The following FBLN7 variants were observed in gnomAD, a reference collection of about 807,000 sequenced individuals.
FBLN7 encodes the protein fibulin-7.
FBLN7 carries 31 observed loss-of-function variants against 44.0 expected under a neutral mutation model. The ratio of observed to expected loss-of-function variants is 0.70; its 90% CI spans 0.53 to 0.95. The LOEUF (loss-of-function observed/expected upper bound fraction) is 0.95, where lower values mean the gene tolerates loss of function less well. Ranked by LOEUF, FBLN7 falls within the 40% of genes least tolerant of loss-of-function variation. FBLN7 has a pLI of 0.00. For missense variants in FBLN7, 573 were observed against 618.5 expected, an observed-to-expected ratio of 0.93 and a Z score of 0.78; for synonymous variants, 262 against 253.4, an observed-to-expected ratio of 1.03 and a Z score of -0.32.
chr2:112,229,676 G>A, the FBLN7 span, among the ~76,000 whole-genome samples: 3 of 152,094 alleles, frequency 2.0e-5, no homozygotes, highest in Non-Finnish European at 2.9e-5. Flanking sequence ...ATCTATATAT[G>A]CATAAAAAAT....
chr2:112,239,537 C>T, the FBLN7 span, among the ~76,000 whole-genome samples: 1 of 149,394 alleles, frequency 6.7e-6, no homozygotes, highest in East Asian at 1.9e-4. Context: ...ACAGAAGAAT[C>T]GCTATTATAA....
intron 4 of FBLN7, among the ~76,000 whole-genome samples, chr2:112,178,266 AAACC>A (rs1682824361): frequency 6.6e-6 from 1 of 151,478 alleles, no homozygotes. Context: ...ACAAAAAAAA[AAACC>A]AAAAGAAAAC....
rs1683347556 is a variant in FBLN7 at position 112,187,813 on chromosome 2, C to T, written c.*307C>T. 6.1e-6 allele frequency: 3 copies of T among 487,850 alleles called. No individual in the cohort carries two copies. The highest frequency in any genetic ancestry group is 1.1e-5 in the Non-Finnish European group (3 of 278,502). 30.2% of individuals were successfully genotyped at this position (487,850 alleles called of 1,614,324 possible). A position where few individuals can be genotyped will look rare whatever the true frequency, so the allele number is the denominator to read the frequency against. On this transcript the variant is annotated 3_prime_UTR_variant, in exon 8 of 8. Coordinates refer to ENST00000331203, the MANE Select transcript of FBLN7 (RefSeq NM_153214.3). This position sits in a 1 kb window ranked among gnomAD's most constrained non-coding sequence, Gnocchi z 5.1. ...GCTTTCCAAAATGCTGTGCAAATGG[C>T]CTTGTGAGTTTGAACTAGCTGGGGA... is the stretch of plus-strand genomic sequence containing the variant.
chr2:112,166,517 T>C (rs1573802746), intron 3 of FBLN7, among the ~76,000 whole-genome samples: 1 of 152,094 alleles, frequency 6.6e-6, no homozygotes, highest in South Asian at 2.1e-4. Flanking sequence ...TGATGATGGT[T>C]CAAAGGTTGA....
chr2:112,215,791 TAC>T, the FBLN7 span: 2 of 152,206 alleles, frequency 1.3e-5, no homozygotes, highest in Admixed American at 6.5e-5. Context: ...ATAATCTGAC[TAC>T]AGTTTATAAA....
At chr2:112,171,256 C>T (rs1233116083) in intron 3 of FBLN7, among the ~76,000 whole-genome samples, 1 of 151,916 alleles carries the variant, frequency 6.6e-6, no homozygotes, top group African/African-American at 2.4e-5. Context: ...GAAGGAGGAC[C>T]TGCAAGGAGA....
At chr2:112,174,920 A>T (rs1052377631) in intron 3 of FBLN7, among the ~76,000 whole-genome samples, 1 of 151,678 alleles carries the variant, frequency 6.6e-6, no homozygotes, top group Non-Finnish European at 1.5e-5. Context: ...TTTTCTAATT[A>T]AAAAAAATGT....
chr2:112,162,965 C>T (rs1344324218), intron 2 of FBLN7, among the ~76,000 whole-genome samples: 2 of 152,162 alleles, frequency 1.3e-5, no homozygotes, highest in African/African-American at 2.4e-5. Context: ...TGAGGCAGAA[C>T]CCCGGGAGCA....
Position 112,175,830 on chromosome 2 carries a change from G to A in FBLN7, c.523G>A (p.Ala175Thr), listed in dbSNP as rs1330891856. The A allele has an allele frequency of 1.2e-6, 2 of 1,614,060 alleles. No individual in the cohort carries two copies. Among genetic ancestry groups the A allele is most frequent in the East Asian group, 2.2e-5 (1 of 44,876 alleles). ...GACTGGGAACCGCTGTCAGCATCAG[G>A]CCCAGACTGGTATGTAGCCACCATG... ...GRTGNRCQHQ[A>T]QTAAPEGSVA... is the part of the protein sequence containing the mutation. The change falls in exon 4 of 8, where the codon GCC (alanine) becomes ACC (threonine). Residue 175 changes from alanine to threonine, a missense_variant. By Grantham distance (58) the Ala-to-Thr change is moderately conservative (BLOSUM62 0). Transcript: ENST00000331203.
At chr2:112,156,669 A>C (rs1185296983) in intron 1 of FBLN7, among the ~76,000 whole-genome samples, 3 of 152,140 alleles carry the variant, frequency 2.0e-5, no homozygotes, top group Non-Finnish European at 1.5e-5. Flanking sequence ...TGGGAGGAGG[A>C]AGGAAAACAA....
intron 1 of FBLN7, among the ~76,000 whole-genome samples, chr2:112,154,600 TCA>T (rs1681322180): frequency 6.6e-6 from 1 of 152,156 alleles, no homozygotes; most frequent in Non-Finnish European, 1.5e-5. Flanking sequence ...TGGGAAAGCC[TCA>T]CCCAAAAGCC....
chr2:112,225,861 C>T, the FBLN7 span, among the ~76,000 whole-genome samples: 2 of 152,000 alleles, frequency 1.3e-5, no homozygotes, highest in African/African-American at 2.4e-5. Flanking sequence ...GCAAGTGGAT[C>T]ACCTGAGGTC....
the FBLN7 span, among the ~76,000 whole-genome samples, chr2:112,196,831 T>G: frequency 3.3e-5 from 5 of 152,118 alleles, no homozygotes; most frequent in African/African-American, 9.7e-5. Flanking sequence ...AGAGGTCCAA[T>G]GGACTCACAG....
chr2:112,160,718 ACG>A lies in FBLN7; in HGVS notation c.235+887_235+888del, dbSNP rs1558879786. On this transcript the variant is annotated intron_variant, in intron 2 of 7. Coordinates refer to ENST00000331203, the MANE Select transcript of FBLN7 (RefSeq NM_153214.3). The stretch of plus-strand genomic sequence containing the variant: ...CACACACGCACGCACACACACAAGC[ACG>A]CGCACACGCACGCACACGCACACAC... Among the ~76,000 whole-genome samples, 8 of 139,964 alleles carry A rather than the reference ACG, an allele frequency of 5.7e-5. No homozygotes were observed. The East Asian group carries it at 1.1e-3, about 18-fold the overall frequency. 91.8% of individuals were successfully genotyped at this position (139,964 alleles called of 152,430 possible). A position where few individuals can be genotyped will look rare whatever the true frequency, so the allele number is the denominator to read the frequency against.
chr2:112,241,356 C>G, the FBLN7 span, among the ~76,000 whole-genome samples: 61 of 152,098 alleles, frequency 4.0e-4, no homozygotes, highest in African/African-American at 1.4e-3. Context: ...CTTCCATGGG[C>G]TGGCATTTGG....
At chr2:112,189,939 T>C (rs1302146707), downstream of FBLN7, 1 of 152,240 alleles carries the variant, frequency 6.6e-6, no homozygotes, top group African/African-American at 2.4e-5. Flanking sequence ...GTGGCTTATA[T>C]TTTTTTGTTT....
chr2:112,172,026 C>T (rs931743006), intron 3 of FBLN7, among the ~76,000 whole-genome samples: 4 of 151,018 alleles, frequency 2.6e-5, no homozygotes, highest in Admixed American at 1.3e-4. Context: ...GGATTACAGG[C>T]GGCGCTAGCC....
In FBLN7 at chr2:112,142,180, G is replaced by A. The variant is rs568476678; in HGVS notation, c.75+3450G>A. Among the ~76,000 whole-genome samples, 15 of 152,226 alleles carry A rather than the reference G, an allele frequency of 9.9e-5. No homozygotes were observed. The East Asian group carries it at 2.7e-3, about 28-fold the overall frequency. On this transcript the variant is annotated intron_variant, in intron 1 of 7. Coordinates refer to ENST00000331203, the MANE Select transcript of FBLN7 (RefSeq NM_153214.3). ...ATTGTAAAGGAGGCCCCAGGGCCTG[G>A]TGCATGCTGGAACAAGCATTACCTG... is the stretch of plus-strand genomic sequence containing the variant.
intron 1 of FBLN7, among the ~76,000 whole-genome samples, chr2:112,143,720 T>C (rs72831611): frequency 0.033 from 4,984 of 152,238 alleles, 104 homozygotes; most frequent in Middle Eastern, 0.068. Flanking sequence ...CGTTACAATT[T>C]TGTCTTCTCC....
Sources: allele counts gnomAD v4.1 joint callset (sites outside exome capture counted in the v4.1 genomes callset), GRCh38; gene constraint gnomAD v4.1.1; non-coding constraint Gnocchi (gnomAD v3.1); transcripts MANE v1.5; gene names NCBI Gene and HGNC (gene_info 2026-07-23, HGNC 2026-07-21).